ZYG11A: variants seen among roughly 807,000 people sequenced by gnomAD.
ZYG11A encodes zyg-11 family member A, cell cycle regulator, also known as protein zyg-11 homolog A.
Under a neutral mutation model 77.2 loss-of-function variants are expected in ZYG11A, and 62 were observed. The observed-to-expected ratio is 0.80, with a 90% CI of 0.65 to 0.99. The LOEUF (loss-of-function observed/expected upper bound fraction) is 0.99. Among genes scored for constraint, ZYG11A ranks in the 50% least tolerant of loss-of-function variants. The probability of loss-of-function intolerance (pLI) is 0.00; values close to 1 mark genes in which losing one functional copy is unlikely to be tolerated. For synonymous variants in ZYG11A, 315 were observed against 324.6 expected (o/e 0.97, Z 0.32); for missense variants, 828 against 896.8 (o/e 0.92, Z 0.98).
chr1:52,853,963 G>A (rs1222758704), intron 1 of ZYG11A, among the ~76,000 whole-genome samples: 1 of 152,072 alleles, frequency 6.6e-6, no homozygotes, highest in Non-Finnish European at 1.5e-5. Flanking sequence ...CTCTGACTAC[G>A]GGTTCAGTAT....
intron 10 of ZYG11A, among the ~76,000 whole-genome samples, chr1:52,879,686 CT>C (rs1433019093): frequency 1.3e-5 from 2 of 152,034 alleles, no homozygotes. Context: ...GGATTGATGC[CT>C]CATATATCCT....
At chr1:52,870,048 G>A (rs1403612916) in intron 8 of ZYG11A, among the ~76,000 whole-genome samples, 1 of 148,048 alleles carries the variant, frequency 6.8e-6, no homozygotes, top group South Asian at 2.2e-4. Context: ...AGGCAGAGAC[G>A]CTCCTCACCT....
chr1:52,858,358 C>CA (rs998322163), intron 3 of ZYG11A, among the ~76,000 whole-genome samples: 11 of 148,714 alleles, frequency 7.4e-5, no homozygotes, highest in Admixed American at 7.4e-4. Flanking sequence ...CCAGCCTGGC[C>CA]AAAAGCGAAA....
chr1:52,882,297 C>T (rs1391311388), intron 11 of ZYG11A, among the ~76,000 whole-genome samples: 1 of 152,204 alleles, frequency 6.6e-6, no homozygotes, highest in Non-Finnish European at 1.5e-5. Flanking sequence ...GATTCTTTTT[C>T]TCACTGTTTC....
At chr1:52,870,331 C>A (rs1485907700) in intron 8 of ZYG11A, among the ~76,000 whole-genome samples, 1 of 151,482 alleles carries the variant, frequency 6.6e-6, no homozygotes, top group Non-Finnish European at 1.5e-5. Context: ...CTTCTCACTT[C>A]CTAGACAGGA....
At chr1:52,881,449 C>G in intron 10 of ZYG11A, 22 bp from the exon 11 acceptor site, 1 of 1,510,248 alleles carries the variant, frequency 6.6e-7, no homozygotes, top group African/African-American at 1.4e-5. Context: ...CTCTGGGGTT[C>G]TCTGCTCCAT....
intron 3 of ZYG11A, among the ~76,000 whole-genome samples, chr1:52,859,329 G>A (rs1309916951): frequency 6.6e-6 from 1 of 151,424 alleles, no homozygotes; most frequent in Admixed American, 6.6e-5. Flanking sequence ...GTCTGTTACT[G>A]GGCTCTTTAT....
chr1:52,892,758 T>C, intron 13 of ZYG11A, 24 bp from the exon 14 acceptor site: 1 of 1,547,872 alleles, frequency 6.5e-7, no homozygotes, highest in Non-Finnish European at 8.7e-7. Context: ...GTCCATGGAG[T>C]GTCTCTGCTT....
At chr1:52,856,950 G>T in intron 2 of ZYG11A, 48 bp from the exon 3 acceptor site, 2 of 1,467,078 alleles carry the variant, frequency 1.4e-6, no homozygotes, top group Non-Finnish European at 1.8e-6. Context: ...ATCCTGGAAA[G>T]ACATGAGATC....
chr1:52,843,043 C>T, intron 1 of ZYG11A, 70 bp downstream of exon 1: 2 of 1,348,356 alleles, frequency 1.5e-6, no homozygotes, highest in Non-Finnish European at 2.0e-6. Flanking sequence ...CGCGGCGAGT[C>T]TCCTGGGACG....
Position 52,857,368 on chromosome 1 carries a change from C to T in ZYG11A, c.627C>T (p.Ser209=), listed in dbSNP as rs1257671199. Residue 209 remains serine, a synonymous_variant, in exon 3 of 14, where the codon AGC becomes AGT. Coordinates refer to ENST00000371528, the MANE Select transcript of ZYG11A (RefSeq NM_001004339.3). ...TTTCTCAGTTACCAAGACTGGAAAG[C>T]TTAGATATCTCTAATACTCTAGTCA... is the stretch of plus-strand genomic sequence containing the variant. ...ANVSQLPRLE[S]LDISNTLVTD... 5 of 1,551,608 alleles carry T rather than the reference C, an allele frequency of 3.2e-6. No individual in the cohort carries two copies. Among genetic ancestry groups the T allele is most frequent in the East Asian group, 2.4e-5 (1 of 40,944 alleles).
chr1:52,854,694 C>T, intron 2 of ZYG11A, 64 bp downstream of exon 2: 3 of 1,355,114 alleles, frequency 2.2e-6, no homozygotes, highest in Non-Finnish European at 2.9e-6. Flanking sequence ...AGCACTTTTA[C>T]ACACAATTTC....
At chr1:52,851,031 C>G (rs553246950) in intron 1 of ZYG11A, among the ~76,000 whole-genome samples, 2 of 151,972 alleles carry the variant, frequency 1.3e-5, no homozygotes, top group African/African-American at 4.8e-5. Flanking sequence ...TTTTGCAATT[C>G]AGAGACTTAA....
At chr1:52,860,621 A>G (rs1419877157) in intron 3 of ZYG11A, 110 bp from the exon 4 acceptor site, 1 of 1,198,714 alleles carries the variant, frequency 8.3e-7, no homozygotes, top group Non-Finnish European at 1.2e-6. Flanking sequence ...TTAATTGAAC[A>G]TTTGTTGTTA....
chr1:52,891,270 A>T (rs1476775315), intron 13 of ZYG11A, among the ~76,000 whole-genome samples: 1 of 151,662 alleles, frequency 6.6e-6, no homozygotes. Context: ...TGAACTTTTT[A>T]TTTGCTTCTT....
At position 52,892,991 on chromosome 1, in the gene ZYG11A, C is replaced by CAATG; in HGVS notation, c.*35_*38dup. ...AATTTCAGAGGTGTGTGCTCTTCCT[C>CAATG]AATGTCAGGTGTTCTGCCCTGGCAG... On this transcript the variant is annotated 3_prime_UTR_variant, in exon 14 of 14. Coordinates refer to ENST00000371528, the MANE Select transcript of ZYG11A (RefSeq NM_001004339.3). 1 of 1,534,890 alleles carries CAATG rather than the reference C, an allele frequency of 6.5e-7. No homozygotes were observed. The highest frequency in any genetic ancestry group is 2.0e-5 in the Admixed American group (1 of 50,334).
At chr1:52,854,423 A>C in intron 1 of ZYG11A, 42 bp from the exon 2 acceptor site, 4 of 1,498,980 alleles carry the variant, frequency 2.7e-6, no homozygotes, top group Non-Finnish European at 3.6e-6. Context: ...GAATTGTTGC[A>C]GATGTATTCT....
At chr1:52,852,638 A>T (rs1010946068) in intron 1 of ZYG11A, among the ~76,000 whole-genome samples, 1 of 152,180 alleles carries the variant, frequency 6.6e-6, no homozygotes, top group Non-Finnish European at 1.5e-5. Context: ...TGCACGAATT[A>T]ACAGCTACCA....
At chr1:52,887,783 A>G (rs1047972270) in intron 13 of ZYG11A, among the ~76,000 whole-genome samples, 1 of 152,090 alleles carries the variant, frequency 6.6e-6, no homozygotes, top group East Asian at 1.9e-4. Flanking sequence ...CCAAAGTGGA[A>G]GTATCCCTTA....
Sources: gnomAD v4.1 joint callset for allele counts (sites outside exome capture counted in the v4.1 genomes callset) on GRCh38, gnomAD v4.1.1 for gene constraint, MANE v1.5 for transcripts, NCBI Gene and HGNC (gene_info 2026-07-23, HGNC 2026-07-21) for gene names.